Variants in CADM2 observed in about 807,000 individuals in gnomAD.
CADM2 encodes cell adhesion molecule 2.
In CADM2, 12 loss-of-function variants were observed where a neutral mutation model predicts 49.8. The observed-to-expected ratio is 0.24, with a 90% confidence interval of 0.15 to 0.39. The LOEUF (loss-of-function observed/expected upper bound fraction) is 0.39. Ranked by LOEUF, CADM2 falls within the 10% of genes least tolerant of loss-of-function variation. The pLI is 1.00. For missense variants in CADM2, 378 were observed against 492.3 expected (o/e 0.77, Z 2.20); for synonymous variants, 214 against 175.4 (o/e 1.22, Z -1.74).
chr3:85,695,191 T>G (rs923240293), intron 1 of CADM2, among the ~76,000 whole-genome samples: 14 of 152,318 alleles, frequency 9.2e-5, no homozygotes, highest in African/African-American at 3.4e-4. Context: ...TGGATTTATT[T>G]TATTTCAATA....
intron 1 of CADM2, among the ~76,000 whole-genome samples, chr3:85,116,872 G>T (rs2038658214): frequency 6.6e-6 from 1 of 152,068 alleles, no homozygotes; most frequent in African/African-American, 2.4e-5. Flanking sequence ...GGTGCAATAT[G>T]AATACTTTTA....
intron 1 of CADM2, among the ~76,000 whole-genome samples, chr3:85,413,161 AAATAATAATAAT>A (rs1206383142): frequency 9.2e-6 from 1 of 108,510 alleles, no homozygotes; most frequent in East Asian, 2.7e-4. Flanking sequence ...AAAAAAAAAA[AAATAATAATAAT>A]AATAATAATA....
chr3:85,231,576 T>G (rs1357917131), intron 1 of CADM2, among the ~76,000 whole-genome samples: 1 of 152,058 alleles, frequency 6.6e-6, no homozygotes, highest in Non-Finnish European at 1.5e-5. Context: ...AGGAAGAATA[T>G]TACTTTCTGG....
intron 1 of CADM2, among the ~76,000 whole-genome samples, chr3:85,216,043 G>T (rs973814731): frequency 6.6e-6 from 1 of 152,032 alleles, no homozygotes; most frequent in African/African-American, 2.4e-5. Flanking sequence ...CAGGTACTAT[G>T]TTTGTTCACC....
chr3:85,026,470 T>C (rs993111028), intron 1 of CADM2, among the ~76,000 whole-genome samples: 2 of 152,204 alleles, frequency 1.3e-5, no homozygotes, highest in African/African-American at 4.8e-5. Flanking sequence ...TTTCCAATTA[T>C]TTTATTTGCT....
intron 1 of CADM2, among the ~76,000 whole-genome samples, chr3:85,467,965 TA>T (rs2038579581): frequency 6.6e-6 from 1 of 151,660 alleles, no homozygotes; most frequent in Admixed American, 6.6e-5. Context: ...CCATCCCGGC[TA>T]AAACGGTGAA....
rs574428062 is a variant in CADM2, at chr3:85,399,738, A to G, written c.62-326784A>G. ...TAGATATTTTATTCTCTTTGAAGGA[A>G]TTGTGAATGGGAGTTCACTCATGAT... is the stretch of plus-strand genomic sequence containing the variant. On this transcript the variant is annotated intron_variant, in intron 1 of 9. Transcript: ENST00000383699. Among the ~76,000 whole-genome samples the G allele has an allele frequency of 2.0e-5, 3 of 152,274 alleles. No individual in the cohort carries two copies. In the East Asian group the frequency reaches 5.8e-4, roughly 30 times the overall value.
rs559495160 is a variant in CADM2, at chr3:85,518,737, T to A, written c.62-207785T>A. On this transcript the variant is annotated intron_variant, in intron 1 of 9. Transcript: ENST00000383699. ...CCATGGTCACTTTGCCTCCTCCTTT[T>A]TTCATGGTCTCCCTCTTCCACACTC... is the stretch of plus-strand genomic sequence containing the variant. Among the ~76,000 whole-genome samples, 435 of 152,240 alleles carry A rather than the reference T, an allele frequency of 2.9e-3. 1 individual carries two copies. Among genetic ancestry groups the A allele is most frequent in the African/African-American group, 8.8e-3 (364 of 41,540 alleles).
In CADM2 at chr3:85,802,210, C is replaced by T. The variant is rs758570763; in HGVS notation, c.238+14C>T. On this transcript the variant is annotated intron_variant, in intron 3 of 9. Transcript: ENST00000383699. ...ACGACAAGAAAGGTGAATACATTTT[C>T]TTTCAAATGTTTTAATCGTATTCTA... is the stretch of plus-strand genomic sequence containing the variant. 1 of 1,596,706 alleles carries T rather than the reference C, an allele frequency of 6.3e-7. No individual in the cohort carries two copies. The highest frequency in any genetic ancestry group is 1.1e-5 in the South Asian group (1 of 88,116).
At chr3:85,154,517 A>G (rs1244227332) in intron 1 of CADM2, among the ~76,000 whole-genome samples, 157 of 152,274 alleles carry the variant, frequency 1.0e-3, no homozygotes, top group South Asian at 6.2e-4. Context: ...AACACTCTGC[A>G]GGATATTATC....
chr3:85,042,562 T>C (rs1247121139), intron 1 of CADM2, among the ~76,000 whole-genome samples: 3 of 152,180 alleles, frequency 2.0e-5, no homozygotes, highest in Non-Finnish European at 4.4e-5. Context: ...TGACCGGGTT[T>C]CATTTCTTTT....
intron 1 of CADM2, among the ~76,000 whole-genome samples, chr3:85,390,984 T>C (rs1162084572): frequency 6.6e-6 from 1 of 152,076 alleles, no homozygotes; most frequent in Non-Finnish European, 1.5e-5. Context: ...AATGCATATA[T>C]TCCTAGGTGC....
intron 1 of CADM2, among the ~76,000 whole-genome samples, chr3:85,459,125 C>A (rs565353387): frequency 3.9e-5 from 6 of 152,008 alleles, no homozygotes; most frequent in African/African-American, 1.4e-4. Context: ...ACAAGAATAC[C>A]CAAGTAAAAG....
At chr3:85,449,898 C>G (rs1695511696) in intron 1 of CADM2, among the ~76,000 whole-genome samples, 1 of 152,078 alleles carries the variant, frequency 6.6e-6, no homozygotes, top group South Asian at 2.1e-4. Context: ...GCCCAATGAT[C>G]TTACTAGTAC....
chr3:85,840,462 A>G (rs1455372868), intron 3 of CADM2, among the ~76,000 whole-genome samples: 1 of 151,914 alleles, frequency 6.6e-6, no homozygotes. Flanking sequence ...TCACATACTT[A>G]TAATTCTGAT....
chr3:85,034,789 G>GTTTTTTTTTTTT (rs2035137941), intron 1 of CADM2, among the ~76,000 whole-genome samples: 1 of 99,366 alleles, frequency 1.0e-5, no homozygotes, highest in Non-Finnish European at 1.9e-5. Flanking sequence ...AAGACATTTT[G>GTTTTTTTTTTTT]CTTTTTTTTT....
intron 1 of CADM2, among the ~76,000 whole-genome samples, chr3:85,493,833 C>G (rs771073833): frequency 3.9e-5 from 6 of 152,150 alleles, no homozygotes; most frequent in Non-Finnish European, 7.4e-5. Context: ...AAATGTCACT[C>G]AAGAACATCC....
intron 8 of CADM2, among the ~76,000 whole-genome samples, chr3:85,974,865 A>C (rs982020805): frequency 4.6e-5 from 7 of 151,606 alleles, no homozygotes; most frequent in African/African-American, 1.7e-4. Flanking sequence ...TTTTACATGA[A>C]AACAGTACTT....
chr3:85,481,065 G>T (rs1325611006), intron 1 of CADM2, among the ~76,000 whole-genome samples: 1 of 151,048 alleles, frequency 6.6e-6, no homozygotes, highest in African/African-American at 2.4e-5. Flanking sequence ...GCCTATATTT[G>T]CACACAAAAG....
Sources: gnomAD v4.1 joint callset for allele counts (sites outside exome capture counted in the v4.1 genomes callset) on GRCh38, gnomAD v4.1.1 for gene constraint, MANE v1.5 for transcripts, NCBI Gene and HGNC (gene_info 2026-07-23, HGNC 2026-07-21) for gene names.